The following WDR27 variants were observed in gnomAD, a reference collection of about 807,000 sequenced individuals.
WDR27 encodes WD repeat domain 27, also known as WD repeat-containing protein 27.
A neutral mutation model predicts 114.4 loss-of-function variants in WDR27; 100 were observed. That is an observed-to-expected ratio of 0.87 (90% confidence interval 0.74 to 1.03). The LOEUF (loss-of-function observed/expected upper bound fraction) is 1.03, where lower values mean the gene tolerates loss of function less well. WDR27 is among the 50% of genes least tolerant of loss of function. The pLI is 0.00. For synonymous variants in WDR27, 449 were observed against 423.1 expected (o/e 1.06, Z -0.75); for missense variants, 1,129 against 1,092.9 (o/e 1.03, Z -0.47).
chr6:169,571,262 A>T (rs1044437929), intron 25 of WDR27, among the ~76,000 whole-genome samples: 2,899 of 109,464 alleles, frequency 0.026, 89 homozygotes, highest in African/African-American at 0.1. Context: ...AAAAAAATTA[A>T]AAAAAAAATA....
chr6:169,666,026 TA>T (rs200896911), intron 6 of WDR27, among the ~76,000 whole-genome samples: 6 of 151,616 alleles, frequency 4.0e-5, no homozygotes, highest in East Asian at 1.9e-4. Context: ...CTTGTTTCCT[TA>T]AAAAAAAATT....
chr6:169,457,381 G>T lies in WDR27; in HGVS notation c.*211C>A. The stretch of plus-strand genomic sequence containing the variant: ...GCCATTTCCATTTTCCCAATGAAGG[G>T]GATCCCTTTTGAGGAGCAGAAAGAC... On this transcript the variant is annotated 3_prime_UTR_variant, in exon 26 of 26. Coordinates refer to ENST00000448612, the MANE Select transcript of WDR27 (RefSeq NM_182552.5). The T allele has an allele frequency of 2.3e-6, 1 of 430,522 alleles. No homozygotes were observed. Among genetic ancestry groups the T allele is most frequent in the Non-Finnish European group, 4.2e-6 (1 of 238,426 alleles). The allele number at this position is 430,522 out of a possible 1,614,324, so 26.7% of individuals were successfully genotyped here.
intron 23 of WDR27, among the ~76,000 whole-genome samples, chr6:169,600,806 G>A (rs962678370): frequency 1.3e-5 from 2 of 152,148 alleles, no homozygotes; most frequent in Non-Finnish European, 2.9e-5. Flanking sequence ...AAGAAATATG[G>A]GACTATGTGA....
At chr6:169,552,973 GGT>G (rs3975497) in intron 25 of WDR27, among the ~76,000 whole-genome samples, 2,716 of 61,712 alleles carry the variant, frequency 0.044, 122 homozygotes, top group Non-Finnish European at 0.048. Flanking sequence ...GGGCCTGCCC[GGT>G]GTGTGTGTGT....
chr6:169,696,984 T>C (rs1786252662), intron 1 of WDR27, among the ~76,000 whole-genome samples: 1 of 151,942 alleles, frequency 6.6e-6, no homozygotes, highest in African/African-American at 2.4e-5. Context: ...ACTGGAATTA[T>C]TTCCAAAATA....
At chr6:169,664,702 T>G in intron 7 of WDR27, 1 of 1,004,828 alleles carries the variant, frequency 1.0e-6, no homozygotes, top group Non-Finnish European at 1.2e-6. Flanking sequence ...GTTTTCAAAA[T>G]TATCTTTTTC....
At chr6:169,468,552 C>A (rs1310518209) in intron 25 of WDR27, among the ~76,000 whole-genome samples, 2 of 152,200 alleles carry the variant, frequency 1.3e-5, no homozygotes, top group Non-Finnish European at 2.9e-5. Context: ...CACCATGATT[C>A]AATTACCTCC....
At chr6:169,433,646 G>A in the WDR27 span, among the ~76,000 whole-genome samples, 1 of 152,156 alleles carries the variant, frequency 6.6e-6, no homozygotes, top group Non-Finnish European at 1.5e-5. Flanking sequence ...CCTGGTTCTA[G>A]ATCCTTGAGG....
chr6:169,656,001 C>T (rs1433975948), intron 13 of WDR27, among the ~76,000 whole-genome samples: 13 of 152,114 alleles, frequency 8.5e-5, no homozygotes, highest in African/African-American at 2.7e-4. Flanking sequence ...CGATTACAGG[C>T]GTGAGCCACT....
At chr6:169,700,429 T>C (rs1333602203) in intron 1 of WDR27, among the ~76,000 whole-genome samples, 1 of 152,248 alleles carries the variant, frequency 6.6e-6, no homozygotes, top group African/African-American at 2.4e-5. Context: ...TTCCCTTTCC[T>C]TCTAGACACA....
rs148934854 is a variant in WDR27 at position 169,457,973 on chromosome 6, CGGAGGAGGAGGAGGA to C, written c.2646-354_2646-340del. Among the ~76,000 whole-genome samples the C allele has an allele frequency of 7.2e-5, 8 of 111,738 alleles. No homozygotes were observed. The South Asian group carries it at 9.7e-4, about 14-fold the overall frequency. The allele number at this position is 111,738 out of a possible 152,430, so 73.3% of individuals were successfully genotyped here. A position where few individuals can be genotyped will look rare whatever the true frequency, so the allele number is the denominator to read the frequency against. The stretch of plus-strand genomic sequence containing the variant: ...GCTGGCCGCAGGAGAGCACTCCTGA[CGGAGGAGGAGGAGGA>C]GGAGGAGGAGGAGGAGGAGGTGGTG... On this transcript the variant is annotated intron_variant, in intron 25 of 25. Transcript: ENST00000448612.
intron 2 of WDR27, among the ~76,000 whole-genome samples, chr6:169,687,397 A>G (rs960147366): frequency 6.6e-6 from 1 of 152,182 alleles, no homozygotes; most frequent in Non-Finnish European, 1.5e-5. Flanking sequence ...GAAAAAAGAC[A>G]GATAATCCAA....
At chr6:169,519,221 GCCTGTTA>G (rs1003218648) in intron 25 of WDR27, among the ~76,000 whole-genome samples, 2 of 152,258 alleles carry the variant, frequency 1.3e-5, no homozygotes, top group African/African-American at 4.8e-5. Context: ...TCCAAGCTCT[GCCTGTTA>G]CCCAGTTCCA....
intron 25 of WDR27, among the ~76,000 whole-genome samples, chr6:169,540,281 T>C (rs932314630): frequency 1.3e-5 from 2 of 152,234 alleles, no homozygotes; most frequent in Admixed American, 1.3e-4. Context: ...ATGATCACGA[T>C]GCTTAAAATT....
In WDR27 at chr6:169,575,321, CCTCT is replaced by C. The variant is rs67302162; in HGVS notation, c.2524-2785_2524-2782del. Among the ~76,000 whole-genome samples the C allele has an allele frequency of 3.8e-3, 237 of 62,798 alleles. 4 individuals are homozygous for C. The highest frequency in any genetic ancestry group is 9.7e-3 in the African/African-American group (228 of 23,456). 41.2% of individuals were successfully genotyped at this position (62,798 alleles called of 152,430 possible). ...CTCTCCATCCATCCATCCCTCCCTC[CCTCT>C]CTCTCTCTCCATCCATCCATCCCTC... On this transcript the variant is annotated intron_variant, in intron 24 of 25. Coordinates refer to ENST00000448612, the MANE Select transcript of WDR27 (RefSeq NM_182552.5).
At chr6:169,629,692 C>T (rs771063381) in intron 21 of WDR27, among the ~76,000 whole-genome samples, 6 of 151,932 alleles carry the variant, frequency 3.9e-5, no homozygotes, top group Non-Finnish European at 7.4e-5. Context: ...TTTGGGAGGC[C>T]GAGACAGGCA....
chr6:169,664,692 G>A, intron 7 of WDR27: 1 of 1,008,140 alleles, frequency 9.9e-7, no homozygotes. Flanking sequence ...AAAAATCTAA[G>A]TTTTCAAAAT....
At chr6:169,637,867 AGTAT>A (rs1244508063) in intron 18 of WDR27, among the ~76,000 whole-genome samples, 2 of 150,394 alleles carry the variant, frequency 1.3e-5, no homozygotes, top group South Asian at 2.1e-4. Context: ...ATATGTGGCA[AGTAT>A]GTAAGTGTGC....
At chr6:169,636,599 A>T in intron 18 of WDR27, 95 bp from the exon 19 acceptor site, 1 of 1,283,640 alleles carries the variant, frequency 7.8e-7, no homozygotes, top group Non-Finnish European at 1.1e-6. Context: ...AAAACCCAAC[A>T]TCTATTTGTT....
Sources: gnomAD v4.1 joint callset for allele counts (sites outside exome capture counted in the v4.1 genomes callset) on GRCh38, gnomAD v4.1.1 for gene constraint, MANE v1.5 for transcripts, NCBI Gene and HGNC (gene_info 2026-07-23, HGNC 2026-07-21) for gene names.